The following ATG16L1 variants were observed in gnomAD, a reference collection of about 807,000 sequenced individuals.
ATG16L1 encodes autophagy-related protein 16-1.
Under a neutral mutation model 88.5 loss-of-function variants are expected in ATG16L1, and 37 were observed. The observed-to-expected ratio is 0.42, with a 90% confidence interval of 0.32 to 0.55. ATG16L1 has a LOEUF of 0.55. Among genes scored for constraint, ATG16L1 ranks in the 20% least tolerant of loss-of-function variants. The pLI, the probability that ATG16L1 is intolerant of heterozygous loss-of-function variation, is 0.13. For missense variants in ATG16L1, 554 were observed against 752.8 expected (o/e 0.74, Z 3.09); for synonymous variants, 301 against 281.0 (o/e 1.07, Z -0.71).
intron 10 of ATG16L1, among the ~76,000 whole-genome samples, chr2:233,280,817 C>T (rs1029179921): frequency 6.6e-6 from 1 of 152,176 alleles, no homozygotes; most frequent in East Asian, 1.9e-4. Flanking sequence ...AATTCCTACA[C>T]TTTGTTTTTC....
intron 2 of ATG16L1, 134 bp from the exon 3 acceptor site, chr2:233,262,996 C>A: frequency 2.6e-6 from 2 of 760,120 alleles, no homozygotes; most frequent in South Asian, 1.7e-5. Context: ...CTGGAGACAC[C>A]CGAATGGTTT....
chr2:233,282,871 A>T (rs1698808532), intron 12 of ATG16L1, 118 bp downstream of exon 12: 2 of 824,786 alleles, frequency 2.4e-6, no homozygotes, highest in South Asian at 3.0e-5. Flanking sequence ...TGCTTGATTC[A>T]CCCTGCCCTT....
rs770688687 is a variant in ATG16L1, at chr2:233,265,123, A to C, written c.621A>C (p.Ala207=). The C allele has an allele frequency of 6.2e-7, 1 of 1,614,130 alleles. No individual in the cohort carries two copies. The highest frequency in any genetic ancestry group is 8.5e-7 in the Non-Finnish European group (1 of 1,180,036). The change falls in exon 5 of 18, where the codon GCA becomes GCC. Residue 207 remains alanine (A), a synonymous_variant. Coordinates refer to ENST00000392017, the MANE Select transcript of ATG16L1 (RefSeq NM_030803.7). The part of the protein sequence containing the change: ...EKAQEANRLN[A]ENEKDSRRRQ... Reference sequence around the variant, plus strand: ...CCCAGGAAGCCAATCGGCTTAATGCAGAGAATGAAAAAGACTCCAGGTGGG... The same window carrying C: ...CCCAGGAAGCCAATCGGCTTAATGCCGAGAATGAAAAAGACTCCAGGTGGG...
chr2:233,253,332 G>GTTTTTTTTTTTTTTTTTTTT (rs570754671), intron 1 of ATG16L1, among the ~76,000 whole-genome samples: 2 of 112,890 alleles, frequency 1.8e-5, no homozygotes, highest in African/African-American at 3.3e-5. Context: ...GTGAGACTGG[G>GTTTTTTTTTTTTTTTTTTTT]TTTTTTTGTT....
intron 8 of ATG16L1, 91 bp downstream of exon 8, chr2:233,273,868 G>T (rs1002014188): frequency 4.6e-6 from 7 of 1,521,454 alleles, no homozygotes; most frequent in African/African-American, 1.4e-5. Flanking sequence ...TGTACACCAG[G>T]TGTCAGTGAT....
At chr2:233,281,477 C>T (rs1278267946) in intron 11 of ATG16L1, among the ~76,000 whole-genome samples, 2 of 152,082 alleles carry the variant, frequency 1.3e-5, no homozygotes, top group Non-Finnish European at 2.9e-5. Context: ...GGTCTCTACC[C>T]TCCGAGATTC....
intron 4 of ATG16L1, among the ~76,000 whole-genome samples, chr2:233,264,577 T>A (rs1320739992): frequency 6.6e-6 from 1 of 152,188 alleles, no homozygotes; most frequent in Non-Finnish European, 1.5e-5. Flanking sequence ...GGCAGGGCGC[T>A]TGCTCAGGCT....
At chr2:233,291,964 A>G (rs951213803) in intron 14 of ATG16L1, among the ~76,000 whole-genome samples, 164 bp from the exon 15 acceptor site, 1 of 152,206 alleles carries the variant, frequency 6.6e-6, no homozygotes, top group Non-Finnish European at 1.5e-5. Flanking sequence ...TTGATGGGAA[A>G]GTAAGAAAAG....
intron 17 of ATG16L1, among the ~76,000 whole-genome samples, 196 bp downstream of exon 17, chr2:233,293,553 C>T (rs1574912054): frequency 6.6e-6 from 1 of 152,138 alleles, no homozygotes; most frequent in South Asian, 2.1e-4. Context: ...CTACAGAGTA[C>T]GCCAGGTAGA....
chr2:233,262,997 C>A, intron 2 of ATG16L1, 133 bp from the exon 3 acceptor site: 1 of 766,960 alleles, frequency 1.3e-6, no homozygotes, highest in Non-Finnish European at 2.2e-6. Flanking sequence ...TGGAGACACC[C>A]GAATGGTTTA....
intron 10 of ATG16L1, among the ~76,000 whole-genome samples, chr2:233,279,164 C>T (rs1698566048): frequency 6.6e-6 from 1 of 152,138 alleles, no homozygotes; most frequent in Admixed American, 6.5e-5. Flanking sequence ...GGCAGCAGAG[C>T]AAGACCCTGT....
chr2:233,277,142 A>C (rs1045916389), intron 9 of ATG16L1: 1 of 159,228 alleles, frequency 6.3e-6, no homozygotes, highest in African/African-American at 2.4e-5. Flanking sequence ...TGTGCTATAC[A>C]TTATTTAAAT....
rs543061361 is a variant in ATG16L1 at position 233,291,107 on chromosome 2, G to A, written c.1430+754G>A. ...TTTGGACAGGGCTTATTGACAGGTT[G>A]GAGGAAGGGGAAGACAGGATGGAGA... On this transcript the variant is annotated intron_variant, in intron 14 of 17. Coordinates refer to ENST00000392017, the MANE Select transcript of ATG16L1 (RefSeq NM_030803.7). Among the ~76,000 whole-genome samples, 13 of 152,252 alleles carry A rather than the reference G, an allele frequency of 8.5e-5. No homozygotes were observed. The South Asian group carries it at 1.5e-3, about 17-fold the overall frequency.
chr2:233,258,668 A>G (rs1696981878), intron 2 of ATG16L1, among the ~76,000 whole-genome samples: 1 of 152,176 alleles, frequency 6.6e-6, no homozygotes, highest in Admixed American at 6.5e-5. Flanking sequence ...TGTGCTTGGA[A>G]TATGCAGCCG....
At position 233,251,808 on chromosome 2, in the gene ATG16L1, G is replaced by T; in HGVS notation, c.-20G>T. ...CCTCGCTCGCATTGGTGGCGCTGAGGTGCCGGGGCAGCAAGTGACATGTCG... is the reference window on the plus strand; with the variant it reads ...CCTCGCTCGCATTGGTGGCGCTGAGTTGCCGGGGCAGCAAGTGACATGTCG... On this transcript the variant is annotated 5_prime_UTR_variant, in exon 1 of 18. Transcript: ENST00000392017. The T allele has an allele frequency of 6.5e-7, 1 of 1,547,752 alleles. No individual in the cohort carries two copies.
At chr2:233,284,254 TCTC>T (rs1698927408) in intron 12 of ATG16L1, among the ~76,000 whole-genome samples, 2 of 151,574 alleles carry the variant, frequency 1.3e-5, no homozygotes, top group African/African-American at 4.9e-5. Flanking sequence ...GTTCAAGTGA[TCTC>T]CTTCCTCAGC....
At chr2:233,277,313 C>A in intron 9 of ATG16L1, 1 of 352,094 alleles carries the variant, frequency 2.8e-6, no homozygotes, top group Non-Finnish European at 5.4e-6. Context: ...CAAGGACCAA[C>A]TTTAAGCAGT....
At chr2:233,252,048 A>T in intron 1 of ATG16L1, 106 bp downstream of exon 1, 1 of 974,154 alleles carries the variant, frequency 1.0e-6, no homozygotes, top group East Asian at 3.3e-5. Context: ...GCCCGCACGC[A>T]TGGCGGCCGC....
chr2:233,286,621 C>CATTTTTTTTTTTTTTTTTTT (rs34087184), intron 12 of ATG16L1, among the ~76,000 whole-genome samples: 2 of 93,290 alleles, frequency 2.1e-5, no homozygotes, highest in Non-Finnish European at 2.0e-5. Context: ...GAAGCCCAAA[C>CATTTTTTTTTTTTTTTTTTT]TTTTTTTTTT....
Sources: allele counts gnomAD v4.1 joint callset (sites outside exome capture counted in the v4.1 genomes callset), GRCh38; gene constraint gnomAD v4.1.1; transcripts MANE v1.5; gene names NCBI Gene and HGNC (gene_info 2026-07-23, HGNC 2026-07-21).